Variants in CACNA2D3 observed in about 807,000 individuals in gnomAD.
The protein encoded by CACNA2D3 is voltage-dependent calcium channel subunit alpha-2/delta-3.
Under a neutral mutation model 160.6 loss-of-function variants are expected in CACNA2D3, and 60 were observed. The observed-to-expected ratio is 0.37, with a 90% CI of 0.30 to 0.46. The LOEUF is 0.46. Among genes scored for constraint, CACNA2D3 ranks in the 20% least tolerant of loss-of-function variants. The pLI is 1.00. For missense variants in CACNA2D3, 1,205 were observed against 1,365.0 expected (o/e 0.88, Z 1.85); for synonymous variants, 558 against 492.9 (o/e 1.13, Z -1.75).
chr3:54,673,714 T>C (rs1259102909), intron 11 of CACNA2D3, among the ~76,000 whole-genome samples: 1 of 152,200 alleles, frequency 6.6e-6, no homozygotes, highest in East Asian at 1.9e-4. Context: ...ATCCTTAACA[T>C]CTATAAACCA....
At chr3:54,712,591 G>T (rs931728069) in intron 11 of CACNA2D3, among the ~76,000 whole-genome samples, 1 of 152,192 alleles carries the variant, frequency 6.6e-6, no homozygotes, top group Non-Finnish European at 1.5e-5. Context: ...TGATTGTGAG[G>T]CCTCTCCAGC....
intron 2 of CACNA2D3, among the ~76,000 whole-genome samples, chr3:54,125,242 TACACAC>T (rs59950857): frequency 0.13 from 19,762 of 147,974 alleles, 1,336 homozygotes; most frequent in East Asian, 0.19. Flanking sequence ...TCTTTGAAGT[TACACAC>T]ACACACACAC....
chr3:54,694,336 T>C lies in CACNA2D3; in HGVS notation c.1167+52095T>C, dbSNP rs1022900891. Among the ~76,000 whole-genome samples, 6 of 152,320 alleles carry C rather than the reference T, an allele frequency of 3.9e-5. No individual in the cohort carries two copies. In the East Asian group the frequency reaches 1.2e-3, roughly 29 times the overall value. ...GTAGTAGGCTATGCTATGTACACACTCTAGGTGTGTGTAAATACACTCTAT... is the reference window on the plus strand; with the variant it reads ...GTAGTAGGCTATGCTATGTACACACCCTAGGTGTGTGTAAATACACTCTAT... On this transcript the variant is annotated intron_variant, in intron 11 of 37. Coordinates refer to ENST00000474759, the MANE Select transcript of CACNA2D3 (RefSeq NM_018398.3).
intron 2 of CACNA2D3, among the ~76,000 whole-genome samples, chr3:54,190,768 A>T (rs1700964187): frequency 1.3e-5 from 2 of 152,210 alleles, no homozygotes; most frequent in African/African-American, 4.8e-5. Context: ...CATTAGTTGC[A>T]ACTGCAGAAG....
At chr3:55,011,081 A>G (rs1703201279) in intron 34 of CACNA2D3, among the ~76,000 whole-genome samples, 1 of 152,258 alleles carries the variant, frequency 6.6e-6, no homozygotes, top group Non-Finnish European at 1.5e-5. Context: ...GCCGGAATCC[A>G]GGAACTCTCT....
intron 3 of CACNA2D3, among the ~76,000 whole-genome samples, chr3:54,325,238 A>G (rs928921433): frequency 7.2e-5 from 11 of 152,192 alleles, no homozygotes; most frequent in Non-Finnish European, 1.6e-4. Context: ...CTCTGATTGT[A>G]AGGATATACT....
intron 2 of CACNA2D3, among the ~76,000 whole-genome samples, chr3:54,307,043 C>A (rs73093666): frequency 0.084 from 12,764 of 152,110 alleles, 766 homozygotes; most frequent in South Asian, 0.13. Flanking sequence ...GAAGCTCTGC[C>A]GTCTGATGCC....
At chr3:54,985,894 A>T (rs1173851864) in intron 30 of CACNA2D3, among the ~76,000 whole-genome samples, 1 of 152,166 alleles carries the variant, frequency 6.6e-6, no homozygotes, top group Non-Finnish European at 1.5e-5. Flanking sequence ...CAAAATGCCC[A>T]TTCCCAGTCT....
chr3:54,925,264 G>A, intron 27 of CACNA2D3: 8 of 1,471,972 alleles, frequency 5.4e-6, no homozygotes, highest in Non-Finnish European at 7.5e-6. Flanking sequence ...TGTGAGGTGT[G>A]GTATCAGCAC....
At chr3:54,440,605 T>C (rs1700128652) in intron 4 of CACNA2D3, among the ~76,000 whole-genome samples, 1 of 152,302 alleles carries the variant, frequency 6.6e-6, no homozygotes, top group East Asian at 1.9e-4. Context: ...CATTTAACAT[T>C]AGGTATATCT....
At chr3:54,218,562 C>T (rs1344785651) in intron 2 of CACNA2D3, among the ~76,000 whole-genome samples, 1 of 152,184 alleles carries the variant, frequency 6.6e-6, no homozygotes, top group Non-Finnish European at 1.5e-5. Flanking sequence ...CATATTAACC[C>T]CCCAACACAT....
intron 13 of CACNA2D3, among the ~76,000 whole-genome samples, chr3:54,812,150 C>A (rs1280001320): frequency 2.0e-5 from 3 of 152,110 alleles, no homozygotes; most frequent in Admixed American, 1.3e-4. Flanking sequence ...GGAGGGAGTC[C>A]TTTTAAAGAC....
intron 27 of CACNA2D3, among the ~76,000 whole-genome samples, chr3:54,923,329 A>C (rs889476057): frequency 1.4e-4 from 21 of 151,920 alleles, no homozygotes; most frequent in African/African-American, 4.8e-4. Flanking sequence ...TCCTGCAGCC[A>C]AGCCAAGTTT....
chr3:54,456,671 T>G (rs929776088), intron 4 of CACNA2D3, among the ~76,000 whole-genome samples: 1 of 151,990 alleles, frequency 6.6e-6, no homozygotes, highest in Admixed American at 6.6e-5. Flanking sequence ...TGGAAATAAT[T>G]TGAGAAGAAT....
chr3:54,918,215 T>G, intron 27 of CACNA2D3: 1 of 449,072 alleles, frequency 2.2e-6, no homozygotes, highest in South Asian at 3.1e-5. Flanking sequence ...AGAATCGTCG[T>G]AATAACTTCC....
chr3:54,476,976 A>G (rs993605166), intron 4 of CACNA2D3, among the ~76,000 whole-genome samples: 1 of 152,186 alleles, frequency 6.6e-6, no homozygotes, highest in Non-Finnish European at 1.5e-5. Context: ...AGTAGATACC[A>G]TGGTAGTTTC....
intron 2 of CACNA2D3, among the ~76,000 whole-genome samples, chr3:54,247,094 C>T (rs1263077408): frequency 6.6e-6 from 1 of 152,142 alleles, no homozygotes; most frequent in Non-Finnish European, 1.5e-5. Flanking sequence ...GGCGGATCAC[C>T]TGAGGTCAGG....
chr3:54,248,107 T>C (rs1190948825), intron 2 of CACNA2D3, among the ~76,000 whole-genome samples: 1 of 151,080 alleles, frequency 6.6e-6, no homozygotes, highest in Non-Finnish European at 1.5e-5. Flanking sequence ...AGGTCGAAGC[T>C]CTGATTCCCA....
At chr3:54,178,334 T>C (rs531240106) in intron 2 of CACNA2D3, among the ~76,000 whole-genome samples, 1 of 152,352 alleles carries the variant, frequency 6.6e-6, no homozygotes, top group East Asian at 1.9e-4. Context: ...CTTGGCCTCC[T>C]TTCTGGAGTT....
Sources: allele counts gnomAD v4.1 joint callset (sites outside exome capture counted in the v4.1 genomes callset), GRCh38; gene constraint gnomAD v4.1.1; transcripts MANE v1.5; gene names NCBI Gene and HGNC (gene_info 2026-07-23, HGNC 2026-07-21).